The following GBE1 variants were observed in gnomAD, a reference collection of about 807,000 sequenced individuals.
GBE1 encodes 1,4-alpha-glucan branching enzyme 1.
GBE1 carries 70 observed loss-of-function variants against 88.8 expected under a neutral mutation model. That is an observed-to-expected ratio of 0.79 (90% CI 0.65 to 0.96). GBE1 has a LOEUF of 0.96. GBE1 is among the 40% of genes least tolerant of loss of function. The probability of loss-of-function intolerance (pLI) is 0.00; values close to 1 mark genes in which losing one functional copy is unlikely to be tolerated. For synonymous variants in GBE1, 284 were observed against 300.1 expected (o/e 0.95, Z 0.56); for missense variants, 872 against 871.0 (o/e 1.00, Z -0.01).
intron 2 of GBE1, among the ~76,000 whole-genome samples, chr3:81,684,626 C>T (rs1705406030): frequency 1.3e-5 from 2 of 152,206 alleles, no homozygotes; most frequent in South Asian, 2.1e-4. Flanking sequence ...TAGGGCTCAA[C>T]ATATGAATTT....
At chr3:81,585,749 C>A (rs2106944679) in intron 10 of GBE1, among the ~76,000 whole-genome samples, 1 of 152,218 alleles carries the variant, frequency 6.6e-6, no homozygotes, top group Middle Eastern at 3.4e-3. Flanking sequence ...AATGCATGAT[C>A]TGTAGGCATA....
chr3:81,499,082 C>G (rs372317131), intron 15 of GBE1, 28 bp downstream of exon 15: 475 of 1,125,534 alleles, frequency 4.2e-4, no homozygotes, highest in Admixed American at 7.7e-4. Context: ...ATTAAAATAG[C>G]AGGAAATATG....
chr3:81,603,585 C>T (rs2106973586), intron 7 of GBE1, among the ~76,000 whole-genome samples: 1 of 152,238 alleles, frequency 6.6e-6, no homozygotes, highest in East Asian at 1.9e-4. Flanking sequence ...ACCTCTGCCT[C>T]CCAGGTTCAA....
At chr3:81,726,275 T>TA (rs1706110733) in intron 1 of GBE1, among the ~76,000 whole-genome samples, 3 of 152,212 alleles carry the variant, frequency 2.0e-5, no homozygotes, top group Admixed American at 2.0e-4. Flanking sequence ...TAACCAGGCT[T>TA]AGAGGAGAAT....
intron 2 of GBE1, among the ~76,000 whole-genome samples, chr3:81,676,443 C>T (rs966302364): frequency 1.3e-5 from 2 of 151,702 alleles, no homozygotes; most frequent in African/African-American, 4.8e-5. Context: ...AGTCTTAAGT[C>T]TGGAATAAAG....
chr3:81,557,633 C>T (rs907219482), intron 12 of GBE1, among the ~76,000 whole-genome samples: 4 of 151,952 alleles, frequency 2.6e-5, no homozygotes, highest in Non-Finnish European at 4.4e-5. Flanking sequence ...AGATCTCAGG[C>T]AGCTTCAAAA....
At position 81,670,954 on chromosome 3, in the gene GBE1, C is replaced by G; in HGVS notation, c.314-1G>C. 3 of 1,487,690 alleles carry G rather than the reference C, an allele frequency of 2.0e-6. No individual in the cohort carries two copies. The highest frequency in any genetic ancestry group is 2.7e-6 in the Non-Finnish European group (3 of 1,098,420). 92.2% of individuals were successfully genotyped at this position (1,487,690 alleles called of 1,614,324 possible). On this transcript the variant is annotated splice_acceptor_variant, in intron 2 of 15. Coordinates refer to ENST00000429644, the MANE Select transcript of GBE1 (RefSeq NM_000158.4). LOFTEE classifies it high-confidence loss of function. ...GGGTACGAAAATGGATTCCAACCAT[C>G]TAAAAAAATGAAGAAGATCAGTTAA... is the stretch of plus-strand genomic sequence containing the variant.
At chr3:81,702,255 C>T (rs182720144) in intron 2 of GBE1, among the ~76,000 whole-genome samples, 4 of 151,588 alleles carry the variant, frequency 2.6e-5, no homozygotes, top group African/African-American at 7.3e-5. Context: ...TACTGACCCA[C>T]GTGTATATCT....
chr3:81,648,938 A>G lies in GBE1; in HGVS notation c.609T>C (p.His203=), dbSNP rs1202435927. 27 of 1,580,562 alleles carry G rather than the reference A, an allele frequency of 1.7e-5. No individual in the cohort carries two copies. Among genetic ancestry groups the G allele is most frequent in the Non-Finnish European group, 2.2e-5 (25 of 1,156,236 alleles). ...TTCCTTCATGGGAAGAAATTCCCAC[A>G]TGAGATTCATAAATTCTTAGACTCC... ...KPRSLRIYES[H]VGISSHEGKV... The change falls in exon 5 of 16, where the codon CAT becomes CAC. Residue 203 remains histidine, a synonymous_variant. Transcript: ENST00000429644.
chr3:81,695,296 T>C (rs777105811), intron 2 of GBE1, among the ~76,000 whole-genome samples: 6 of 152,234 alleles, frequency 3.9e-5, no homozygotes, highest in East Asian at 1.9e-4. Context: ...GGACTACCTA[T>C]ACAGTGTAAT....
intron 7 of GBE1, among the ~76,000 whole-genome samples, chr3:81,602,130 T>C (rs1018777974): frequency 1.4e-4 from 21 of 152,156 alleles, no homozygotes; most frequent in Admixed American, 1.2e-3. Flanking sequence ...AAAGTGAGAG[T>C]GAAAGTTGAA....
chr3:81,621,469 G>C (rs918341787), intron 7 of GBE1, among the ~76,000 whole-genome samples: 21 of 152,044 alleles, frequency 1.4e-4, no homozygotes, highest in Admixed American at 5.9e-4. Context: ...AAGAGCCCTC[G>C]TTGTGACTTA....
At chr3:81,583,240 A>T (rs1703758296) in intron 10 of GBE1, among the ~76,000 whole-genome samples, 1 of 152,148 alleles carries the variant, frequency 6.6e-6, no homozygotes, top group Non-Finnish European at 1.5e-5. Flanking sequence ...GTGAGGATGT[A>T]TAGAGGCAGG....
rs532020852 is a variant in GBE1, at chr3:81,632,497, C to T, written c.992+10284G>A. On this transcript the variant is annotated intron_variant, in intron 7 of 15. Transcript: ENST00000429644. ...GTCATTAGAGAAATGCAAATCAAAACCACAATGAGATACCATCTCATGCCA... is the reference window on the plus strand; with the variant it reads ...GTCATTAGAGAAATGCAAATCAAAATCACAATGAGATACCATCTCATGCCA... Among the ~76,000 whole-genome samples the T allele has an allele frequency of 4.6e-5, 7 of 152,156 alleles. No homozygotes were observed. In the South Asian group the frequency reaches 1.5e-3, roughly 32 times the overall value.
chr3:81,713,214 G>A (rs1705895580), intron 1 of GBE1, among the ~76,000 whole-genome samples: 1 of 152,236 alleles, frequency 6.6e-6, no homozygotes, highest in African/African-American at 2.4e-5. Flanking sequence ...ACTGGAAGAA[G>A]AGATTAGGAG....
At chr3:81,499,051 A>T (rs1385019320) in intron 15 of GBE1, 59 bp downstream of exon 15, 7 of 918,878 alleles carry the variant, frequency 7.6e-6, no homozygotes, top group Non-Finnish European at 1.2e-5. Context: ...GAACAAAAAC[A>T]TTACTATAAT....
intron 7 of GBE1, among the ~76,000 whole-genome samples, chr3:81,639,350 TAA>T (rs1553687942): frequency 3.3e-5 from 5 of 151,442 alleles, no homozygotes; most frequent in African/African-American, 1.2e-4. Flanking sequence ...TATTTTTTTT[TAA>T]AAAAAATGGC....
At chr3:81,556,983 T>A (rs534903121) in intron 12 of GBE1, among the ~76,000 whole-genome samples, 43 of 152,064 alleles carry the variant, frequency 2.8e-4, no homozygotes, top group Non-Finnish European at 4.1e-4. Flanking sequence ...CAACATAAAC[T>A]CTTAACATAA....
At chr3:81,712,333 C>T (rs542687272) in intron 1 of GBE1, among the ~76,000 whole-genome samples, 31 of 152,150 alleles carry the variant, frequency 2.0e-4, no homozygotes, top group Non-Finnish European at 4.1e-4. Flanking sequence ...AATCATGCTG[C>T]TATAGACACA....
Sources: allele counts gnomAD v4.1 joint callset (sites outside exome capture counted in the v4.1 genomes callset), GRCh38; gene constraint gnomAD v4.1.1; transcripts MANE v1.5; gene names NCBI Gene and HGNC (gene_info 2026-07-23, HGNC 2026-07-21).